AHRR: variants seen among roughly 807,000 people sequenced by gnomAD.
AHRR encodes aryl hydrocarbon receptor repressor.
A neutral mutation model predicts 44.0 loss-of-function variants in AHRR; 28 were observed. That is an observed-to-expected ratio of 0.64 (90% CI 0.47 to 0.87). AHRR has a LOEUF of 0.87. AHRR is among the 40% of genes least tolerant of loss of function. The pLI, the probability that AHRR is intolerant of heterozygous loss-of-function variation, is 0.00. For synonymous variants in AHRR, 434 were observed against 407.0 expected, an observed-to-expected ratio of 1.07 and a Z score of -0.80; for missense variants, 990 against 953.9, an observed-to-expected ratio of 1.04 and a Z score of -0.50.
intron 5 of AHRR, chr5:420,800 GCCACGCAGCC>G (rs1560919234): frequency 1.9e-5 from 2 of 104,698 alleles, no homozygotes; most frequent in Non-Finnish European, 1.8e-5. Flanking sequence ...CACGCACGCA[GCCACGCAGCC>G]ACCCACCCAC....
rs1035096588 is a variant in AHRR, at chr5:337,638, G to T, written c.-10-6255G>T. On this transcript the variant is annotated intron_variant, in intron 1 of 10. Coordinates refer to ENST00000684583, the MANE Select transcript of AHRR (RefSeq NM_001377236.1). This position sits in a 1 kb window ranked among gnomAD's most constrained non-coding sequence, Gnocchi z 4.1. ...TTTATTTGAATTGAGAAACTTTAAT[G>T]TTAGGAAGTCTAGATAGCAACAGTG... Among the ~76,000 whole-genome samples, 1 of 152,182 alleles carries T rather than the reference G, an allele frequency of 6.6e-6. No individual in the cohort carries two copies. Among genetic ancestry groups the T allele is most frequent in the Admixed American group, 6.5e-5 (1 of 15,282 alleles).
intron 4 of AHRR, among the ~76,000 whole-genome samples, chr5:399,066 T>C (rs2672766): frequency 0.34 from 52,438 of 152,264 alleles, 13,012 homozygotes; most frequent in African/African-American, 0.71. Flanking sequence ...CTTATCCCCA[T>C]GCCACCTTCC....
chr5:415,676 G>C (rs553570303), intron 5 of AHRR, among the ~76,000 whole-genome samples: 1 of 136,648 alleles, frequency 7.3e-6, no homozygotes, highest in East Asian at 2.0e-4. Context: ...AATCTGCCTG[G>C]TCGGGCGGGA....
At chr5:399,011 G>A (rs757571853) in intron 4 of AHRR, among the ~76,000 whole-genome samples, 11 of 152,234 alleles carry the variant, frequency 7.2e-5, no homozygotes, top group African/African-American at 2.2e-4. Flanking sequence ...CCCACCTCTC[G>A]GCCTCATGGC....
At chr5:397,138 A>G (rs1734751579) in intron 4 of AHRR, among the ~76,000 whole-genome samples, 1 of 117,760 alleles carries the variant, frequency 8.5e-6, no homozygotes, top group Non-Finnish European at 1.8e-5. Context: ...GCCCCTGACC[A>G]TCCATGTTAG....
At chr5:430,811 G>A (rs992544018) in intron 8 of AHRR, among the ~76,000 whole-genome samples, 7 of 152,184 alleles carry the variant, frequency 4.6e-5, no homozygotes, top group South Asian at 2.1e-4. Flanking sequence ...GCCAGGACAC[G>A]GGTCAGCCTG....
rs1018366032 is a variant in AHRR, at chr5:433,834, C to G, written c.1113-19C>G. On this transcript the variant is annotated intron_variant, in intron 10 of 10. Transcript: ENST00000684583. Reference sequence around the variant, plus strand: ...GTGTCTTCAGCTGCTGTCAAATGGGCCCCGTCTTTTCTCTGCAGGGACAGG... The same window carrying G: ...GTGTCTTCAGCTGCTGTCAAATGGGGCCCGTCTTTTCTCTGCAGGGACAGG... 4.7e-6 allele frequency: 7 copies of G among 1,481,132 alleles called. No homozygotes were observed. Among genetic ancestry groups the G allele is most frequent in the Non-Finnish European group, 6.3e-6 (7 of 1,118,324 alleles). 91.7% of individuals were successfully genotyped at this position (1,481,132 alleles called of 1,614,324 possible).
intron 1 of AHRR, among the ~76,000 whole-genome samples, chr5:340,908 G>C (rs1742326162): frequency 6.7e-6 from 1 of 149,626 alleles, no homozygotes; most frequent in Non-Finnish European, 1.5e-5. Context: ...ATGTTGGCCA[G>C]GCTGGTCTTG....
At chr5:345,043 G>A (rs371293969) in intron 2 of AHRR, among the ~76,000 whole-genome samples, 6 of 131,206 alleles carry the variant, frequency 4.6e-5, no homozygotes, top group South Asian at 2.6e-4. Context: ...TATGTGTGTC[G>A]GATGATGTCC....
intron 1 of AHRR, among the ~76,000 whole-genome samples, chr5:336,630 A>C (rs1329060141): frequency 6.6e-6 from 1 of 151,702 alleles, no homozygotes; most frequent in African/African-American, 2.4e-5. Flanking sequence ...TGTGACACAA[A>C]AATTTTTAGT....
chr5:328,804 T>G (rs1417690597), intron 1 of AHRR, among the ~76,000 whole-genome samples: 1 of 152,246 alleles, frequency 6.6e-6, no homozygotes, highest in Non-Finnish European at 1.5e-5. Context: ...CCCTGTTGGA[T>G]GAATAGTTTG....
intron 1 of AHRR, among the ~76,000 whole-genome samples, chr5:340,682 A>ATT (rs1742305058): frequency 4.2e-5 from 1 of 23,766 alleles, no homozygotes; most frequent in African/African-American, 3.1e-4. Context: ...ATATATATAT[A>ATT]TATATATTTT....
chr5:413,029 C>T (rs1238190915), intron 4 of AHRR, among the ~76,000 whole-genome samples: 3 of 152,026 alleles, frequency 2.0e-5, no homozygotes, highest in African/African-American at 7.2e-5. Flanking sequence ...TGGGCAGAAA[C>T]GTCTGCAGAG....
intron 1 of AHRR, among the ~76,000 whole-genome samples, chr5:331,201 GT>G (rs1741900973): frequency 6.6e-6 from 1 of 152,114 alleles, no homozygotes; most frequent in Admixed American, 6.6e-5. Flanking sequence ...TTTGGGGGAG[GT>G]TTTTAATTAC....
Position 427,884 on chromosome 5 carries a change from G to T in AHRR, c.786G>T (p.Pro262=). The change falls in exon 8 of 11, where the codon CCG becomes CCT. Residue 262 remains proline, a synonymous_variant. Transcript: ENST00000684583. The part of the protein sequence containing the change: ...KKAPSGAMLP[P]RLSLFCIAAP... ...CGCCGTCAGGAGCCATGCTCCCGCC[G>T]CGGCTGTCGCTGTTCTGCATTGCGG... 6.2e-7 allele frequency: 1 copy of T among 1,614,134 alleles called. No individual in the cohort carries two copies. The highest frequency in any genetic ancestry group is 8.5e-7 in the Non-Finnish European group (1 of 1,180,044).
At chr5:391,525 G>A (rs1235819043) in intron 4 of AHRR, among the ~76,000 whole-genome samples, 11 of 48,940 alleles carry the variant, frequency 2.2e-4, no homozygotes, top group Non-Finnish European at 3.0e-4. Context: ...GTGCATGGGG[G>A]CAGGGCGAGG....
intron 1 of AHRR, among the ~76,000 whole-genome samples, chr5:341,109 A>G (rs1183369981): frequency 2.7e-5 from 4 of 148,014 alleles, no homozygotes; most frequent in African/African-American, 1.0e-4. Context: ...CCGCCTCCCA[A>G]GTTCAAATGA....
intron 3 of AHRR, 89 bp from the exon 4 acceptor site, chr5:376,521 A>G (rs1733668794): frequency 9.4e-6 from 13 of 1,388,260 alleles, no homozygotes; most frequent in Admixed American, 4.7e-5. Flanking sequence ...CGTGGGGTGA[A>G]CGCGGGGAAA....
intron 1 of AHRR, chr5:343,647 G>A (rs1742445723): frequency 1.0e-5 from 5 of 488,120 alleles, no homozygotes; most frequent in Non-Finnish European, 1.8e-5. Flanking sequence ...CTCTGGGGGA[G>A]GCCGGGACCC....
Sources: allele counts gnomAD v4.1 joint callset (sites outside exome capture counted in the v4.1 genomes callset), GRCh38; gene constraint gnomAD v4.1.1; non-coding constraint Gnocchi (gnomAD v3.1); transcripts MANE v1.5; gene names NCBI Gene and HGNC (gene_info 2026-07-23, HGNC 2026-07-21).